The following LRP1B variants were observed in gnomAD, a reference collection of about 807,000 sequenced individuals.
The protein encoded by LRP1B is LDL receptor related protein 1B, also known as low-density lipoprotein receptor-related protein 1B.
In LRP1B, 217 loss-of-function variants were observed where a neutral mutation model predicts 556.6. That is an observed-to-expected ratio of 0.39 (90% CI 0.35 to 0.44). The LOEUF (loss-of-function observed/expected upper bound fraction) is 0.44. Ranked by LOEUF, LRP1B falls within the 20% of genes least tolerant of loss-of-function variation. LRP1B has a pLI of 1.00. For synonymous variants in LRP1B, 2,047 were observed against 1,865.8 expected, an observed-to-expected ratio of 1.10 and a Z score of -2.50; for missense variants, 5,053 against 5,620.8, an observed-to-expected ratio of 0.90 and a Z score of 3.23.
At chr2:141,823,541 AAGAT>A (rs1696824019) in intron 1 of LRP1B, among the ~76,000 whole-genome samples, 1 of 152,210 alleles carries the variant, frequency 6.6e-6, no homozygotes, top group African/African-American at 2.4e-5. Flanking sequence ...AAAAGAATAC[AAGAT>A]TGTCAAGCTG....
chr2:140,475,272 T>C lies in LRP1B; in HGVS notation c.9491A>G (p.Asn3164Ser), dbSNP rs373686976. ...HIGRVGMDGT[N>S]QSVVIETKIS... ...CTTGGTTTCTATGACAACACTCTGATTGGTTCCATCCATTCCAACACGGCC... is the reference window on the plus strand; with the variant it reads ...CTTGGTTTCTATGACAACACTCTGACTGGTTCCATCCATTCCAACACGGCC... The change falls in exon 60 of 91, where the codon AAT (asparagine) becomes AGT (serine). Residue 3164 changes from asparagine (N) to serine (S), a missense_variant. By Grantham distance (46) the Asn-to-Ser change is conservative (BLOSUM62 1). This residue lies in a region of LRP1B where 3,619 missense variants were observed against 3,931.9 expected (regional missense o/e 0.92). Coordinates refer to ENST00000389484, the MANE Select transcript of LRP1B (RefSeq NM_018557.3). The C allele has an allele frequency of 8.7e-5, 141 of 1,612,002 alleles. No individual in the cohort carries two copies. Among genetic ancestry groups the C allele is most frequent in the Non-Finnish European group, 2.3e-5 (27 of 1,178,774 alleles).
chr2:140,521,552 G>T (rs573356762), intron 49 of LRP1B, among the ~76,000 whole-genome samples: 3 of 152,036 alleles, frequency 2.0e-5, no homozygotes, highest in Non-Finnish European at 4.4e-5. Context: ...TCTTTGAATG[G>T]AAATGAAAGA....
intron 43 of LRP1B, among the ~76,000 whole-genome samples, chr2:140,545,733 C>T (rs1379044742): frequency 1.3e-5 from 2 of 151,724 alleles, no homozygotes; most frequent in African/African-American, 4.8e-5. Flanking sequence ...GACACCTTGA[C>T]TATTTGGGCA....
rs145273597 is a variant in LRP1B at position 141,749,485 on chromosome 2, A to G, written c.205+60794T>C. Among the ~76,000 whole-genome samples, 862 of 152,304 alleles carry G rather than the reference A, an allele frequency of 5.7e-3. 5 individuals carry two copies. Among genetic ancestry groups the G allele is most frequent in the Admixed American group, 0.02 (299 of 15,274 alleles). ...GTGATTATTTAGTAGGTAAATAACT[A>G]TAGGTCATGTCTGAATCTAATGATA... On this transcript the variant is annotated intron_variant, in intron 2 of 90. Transcript: ENST00000389484.
chr2:141,050,583 T>A (rs1289549216), intron 10 of LRP1B, among the ~76,000 whole-genome samples: 4 of 151,804 alleles, frequency 2.6e-5, no homozygotes, highest in Non-Finnish European at 5.9e-5. Context: ...AACTTATGAG[T>A]GAAAACATGC....
At chr2:140,782,778 A>C (rs1198925738) in intron 32 of LRP1B, among the ~76,000 whole-genome samples, 3 of 152,198 alleles carry the variant, frequency 2.0e-5, no homozygotes, top group South Asian at 2.1e-4. Context: ...TTTACCAAGC[A>C]CTTACTAAGT....
At chr2:141,768,937 T>A (rs1694815764) in intron 2 of LRP1B, among the ~76,000 whole-genome samples, 1 of 152,018 alleles carries the variant, frequency 6.6e-6, no homozygotes, top group Non-Finnish European at 1.5e-5. Context: ...TATCTATTTA[T>A]CTTTCTATTT....
At chr2:140,434,969 G>A (rs1197808384) in intron 66 of LRP1B, among the ~76,000 whole-genome samples, 4 of 151,942 alleles carry the variant, frequency 2.6e-5, no homozygotes, top group African/African-American at 9.7e-5. Flanking sequence ...CTGGGTATTG[G>A]TGTTGAGAAA....
At chr2:141,675,883 C>A (rs921563057) in intron 2 of LRP1B, among the ~76,000 whole-genome samples, 5 of 151,872 alleles carry the variant, frequency 3.3e-5, no homozygotes, top group South Asian at 2.1e-4. Flanking sequence ...AATCTTTACA[C>A]CAATTTTTTA....
intron 41 of LRP1B, among the ~76,000 whole-genome samples, chr2:140,615,534 C>G (rs1683224435): frequency 6.6e-6 from 1 of 152,088 alleles, no homozygotes; most frequent in Non-Finnish European, 1.5e-5. Flanking sequence ...AATTACAAAG[C>G]CCAACATGAC....
At chr2:140,673,522 G>T (rs1055302335) in intron 41 of LRP1B, among the ~76,000 whole-genome samples, 2 of 152,064 alleles carry the variant, frequency 1.3e-5, no homozygotes, top group Non-Finnish European at 2.9e-5. Flanking sequence ...GAGTCCCCAT[G>T]AGAATAATTT....
intron 47 of LRP1B, among the ~76,000 whole-genome samples, chr2:140,527,239 T>TTA (rs1215454507): frequency 5.3e-5 from 8 of 151,958 alleles, no homozygotes; most frequent in African/African-American, 1.7e-4. Flanking sequence ...TGTGAATGGG[T>TTA]ACATGACATG....
intron 2 of LRP1B, among the ~76,000 whole-genome samples, chr2:141,801,369 G>A (rs1696000068): frequency 6.6e-6 from 1 of 152,084 alleles, no homozygotes; most frequent in Non-Finnish European, 1.5e-5. Context: ...GCTCACTGCA[G>A]CCTTGAGTTC....
chr2:140,398,081 A>G (rs1374576822), intron 66 of LRP1B, among the ~76,000 whole-genome samples: 2 of 152,224 alleles, frequency 1.3e-5, no homozygotes, highest in Admixed American at 6.5e-5. Flanking sequence ...ATATCAATCA[A>G]TAATTATGAA....
intron 1 of LRP1B, among the ~76,000 whole-genome samples, chr2:141,906,178 A>C (rs1699755646): frequency 6.6e-6 from 1 of 151,880 alleles, no homozygotes; most frequent in Non-Finnish European, 1.5e-5. Context: ...CATACAGAGC[A>C]CTTTTAGGTC....
At chr2:141,765,834 T>C (rs139315069) in intron 2 of LRP1B, among the ~76,000 whole-genome samples, 1 of 152,304 alleles carries the variant, frequency 6.6e-6, no homozygotes, top group Non-Finnish European at 1.5e-5. Context: ...TCCTCAGAAC[T>C]TGTTACAAAT....
At chr2:142,031,610 ACTAAAAAAAAAATGACATATTGTCATTT>A (rs1453292103) in intron 1 of LRP1B, among the ~76,000 whole-genome samples, 13 of 149,310 alleles carry the variant, frequency 8.7e-5, no homozygotes, top group South Asian at 2.1e-4. Flanking sequence ...CATATTGTCA[ACTAAAAAAAAAATGACATATTGTCATTT>A]CTAAAAAAAA....
intron 66 of LRP1B, among the ~76,000 whole-genome samples, chr2:140,421,216 C>T (rs909598312): frequency 3.3e-5 from 5 of 152,094 alleles, no homozygotes; most frequent in African/African-American, 1.2e-4. Context: ...GATTGCACCA[C>T]TGCACCTCAG....
At chr2:140,748,198 T>C (rs1688393335) in intron 35 of LRP1B, among the ~76,000 whole-genome samples, 2 of 118,840 alleles carry the variant, frequency 1.7e-5, no homozygotes, top group South Asian at 5.5e-4. Flanking sequence ...TGTATATTCA[T>C]ATATATTATA....
Sources: allele counts gnomAD v4.1 joint callset (sites outside exome capture counted in the v4.1 genomes callset), GRCh38; gene constraint gnomAD v4.1.1; regional missense constraint gnomAD v4.1.1; transcripts MANE v1.5; gene names NCBI Gene and HGNC (gene_info 2026-07-23, HGNC 2026-07-21).